The following DNAH3 variants were observed in gnomAD, a reference collection of about 807,000 sequenced individuals.
DNAH3 encodes axonemal beta dynein heavy chain 3.
DNAH3 carries 332 observed loss-of-function variants against 432.5 expected under a neutral mutation model. That is an observed-to-expected ratio of 0.77 (90% CI 0.70 to 0.84). The LOEUF (loss-of-function observed/expected upper bound fraction) is 0.84, where lower values mean the gene tolerates loss of function less well. DNAH3 is among the 40% of genes least tolerant of loss of function. The pLI is 0.00. For synonymous variants in DNAH3, 1,956 were observed against 1,900.2 expected (o/e 1.03, Z -0.76); for missense variants, 4,861 against 5,114.0 (o/e 0.95, Z 1.51).
chr16:21,067,201 C>G, intron 24 of DNAH3, 82 bp downstream of exon 24: 1 of 1,531,462 alleles, frequency 6.5e-7, no homozygotes, highest in Non-Finnish European at 9.0e-7. Context: ...TTGGTTGAAG[C>G]CAACTCTTGG....
chr16:20,945,600 A>C (rs1253853529), intron 57 of DNAH3, among the ~76,000 whole-genome samples: 3 of 151,580 alleles, frequency 2.0e-5, no homozygotes, highest in African/African-American at 4.9e-5. Flanking sequence ...AAGCAATTCT[A>C]CTGCCTCAGC....
At chr16:21,092,735 ATGAC>A (rs1477795853) in intron 18 of DNAH3, among the ~76,000 whole-genome samples, 1 of 150,596 alleles carries the variant, frequency 6.6e-6, no homozygotes, top group Non-Finnish European at 1.5e-5. Context: ...GATCTGATAA[ATGAC>A]TATTATCTAA....
At chr16:21,116,942 C>A (rs1424557011) in intron 12 of DNAH3, among the ~76,000 whole-genome samples, 1 of 152,176 alleles carries the variant, frequency 6.6e-6, no homozygotes, top group Admixed American at 6.5e-5. Flanking sequence ...TCTGGCTTCA[C>A]AACTATCAGA....
intron 18 of DNAH3, among the ~76,000 whole-genome samples, chr16:21,093,654 T>A (rs947146291): frequency 2.0e-5 from 3 of 152,046 alleles, no homozygotes; most frequent in African/African-American, 4.8e-5. Context: ...GTTAGAAGAA[T>A]CACACTATGT....
rs376376420 is a variant in DNAH3, at chr16:21,037,899, G to A, written c.4812C>T (p.Arg1604=). 406 of 1,614,156 alleles carry A rather than the reference G, an allele frequency of 2.5e-4. 7 individuals are homozygous for A. In the South Asian group the frequency reaches 3.9e-3, roughly 16 times the overall value. ...CGGCAGTAAGCACAGACTTGACAGC[G>A]CGCATACCGTAGTCATAGTGATGCT... The change falls in exon 34 of 62, where the codon CGC becomes CGT. Residue 1604 remains arginine, a synonymous_variant. Coordinates refer to ENST00000261383, the Ensembl canonical transcript of DNAH3.
intron 34 of DNAH3, 98 bp from the exon 35 acceptor site, chr16:21,036,946 T>C (rs549911067): frequency 3.0e-6 from 3 of 988,880 alleles, no homozygotes; most frequent in African/African-American, 3.3e-5. Flanking sequence ...ACAGAGATCT[T>C]TGAAAAATTC....
chr16:21,120,704 A>T lies in DNAH3; in HGVS notation c.1699+36T>A, dbSNP rs183226404. ...CTGGTACAAACCATGTCTTCTTGGC[A>T]TTGTAATTCATCAAATGTAGTACCG... On this transcript the variant is annotated intron_variant, in intron 11 of 61. Coordinates refer to ENST00000261383, the Ensembl canonical transcript of DNAH3. 1.3e-4 allele frequency: 194 copies of T among 1,470,998 alleles called. No individual in the cohort carries two copies. The African/African-American group carries it at 2.4e-3, about 18-fold the overall frequency. The allele number at this position is 1,470,998 out of a possible 1,614,324, so 91.1% of individuals were successfully genotyped here.
rs370699327 is a variant in DNAH3 at position 20,964,385 on chromosome 16, C to A, written c.9499G>T (p.Asp3167Tyr). The A allele has an allele frequency of 3.5e-5, 57 of 1,614,130 alleles. No individual in the cohort carries two copies. The highest frequency in any genetic ancestry group is 1.7e-4 in the Middle Eastern group (1 of 6,060). ...CGGGTTGTGATGTATAACTTAAAAT[C>A]CCTGGAATATTCAATGATGTTTTCA... is the stretch of plus-strand genomic sequence containing the variant. Residue 3167 changes from aspartate (D) to tyrosine (Y), a missense_variant, in exon 53 of 62, where the codon GAT becomes TAT. Transcript: ENST00000261383.
chr16:21,068,375 C>T (rs536918982), intron 23 of DNAH3, among the ~76,000 whole-genome samples: 2 of 150,902 alleles, frequency 1.3e-5, no homozygotes, highest in East Asian at 1.9e-4. Context: ...AGTGCAGTGG[C>T]GCAATCTGGG....
exon 2 of DNAH3, chr16:21,145,989 A>T: frequency 6.2e-7 from 1 of 1,607,774 alleles, no homozygotes; most frequent in Non-Finnish European, 8.5e-7. Context: ...CATACCTGAT[A>T]GAGTCCAGAC....
chr16:20,970,210 G>A (rs762313287), intron 51 of DNAH3, among the ~76,000 whole-genome samples: 11 of 152,138 alleles, frequency 7.2e-5, no homozygotes, highest in African/African-American at 1.4e-4. Context: ...TGGATGTCCC[G>A]AACATCTGAG....
At position 21,097,372 on chromosome 16, in the gene DNAH3, G is replaced by C; in HGVS notation, c.2648C>G (p.Ser883Ter). Residue 883 changes from serine (S) to a stop codon, truncating the protein, a stop_gained, in exon 18 of 62, where the codon TCA (serine) becomes TGA (stop). Transcript: ENST00000261383. LOFTEE classifies it high-confidence loss of function. ...CCACATACCATTCATCCATTCCTCTGACTTGATGCTGAACTCATAGGCTGT... is the reference window on the plus strand; with the variant it reads ...CCACATACCATTCATCCATTCCTCTCACTTGATGCTGAACTCATAGGCTGT... 4.3e-6 allele frequency: 7 copies of C among 1,613,818 alleles called. No homozygotes were observed. The highest frequency in any genetic ancestry group is 1.7e-4 in the Middle Eastern group (1 of 5,932).
exon 39 of DNAH3, chr16:21,024,678 G>T: frequency 6.2e-7 from 1 of 1,613,776 alleles, no homozygotes; most frequent in Non-Finnish European, 8.5e-7. Context: ...TAGTTGATGG[G>T]GCTCCATGTA....
At chr16:21,087,109 T>A (rs1436052406) in intron 18 of DNAH3, 49 bp from the exon 19 acceptor site, 1 of 1,458,632 alleles carries the variant, frequency 6.9e-7, no homozygotes, top group South Asian at 1.1e-5. Context: ...TGGATGTTAG[T>A]CATGCGTACC....
At position 21,131,504 on chromosome 16, in the gene DNAH3, A is replaced by AGAGAAGGAAGGAAGGAAG. The variant is rs1567846329; in HGVS notation, c.1082+2754_1082+2755insCTTCCTTCCTTCCTTCTC. On this transcript the variant is annotated intron_variant, in intron 7 of 61. Coordinates refer to ENST00000261383, the Ensembl canonical transcript of DNAH3. Reference sequence around the variant, plus strand: ...GAAAGAAAAGAAAGAGAGATGAGAGAGAAGGAAGGAAGGAAGGAAGGAAGG... The same window carrying AGAGAAGGAAGGAAGGAAG: ...GAAAGAAAAGAAAGAGAGATGAGAGAGAGAAGGAAGGAAGGAAGGAAGGAAGGAAGGAAGGAAGGAAGG... Among the ~76,000 whole-genome samples, 18 of 139,270 alleles carry AGAGAAGGAAGGAAGGAAG rather than the reference A, an allele frequency of 1.3e-4. No individual in the cohort carries two copies. In the East Asian group the frequency reaches 2.3e-3, roughly 18 times the overall value. The allele number at this position is 139,270 out of a possible 152,430, so 91.4% of individuals were successfully genotyped here. A position where few individuals can be genotyped will look rare whatever the true frequency, so the allele number is the denominator to read the frequency against.
intron 2 of DNAH3, 46 bp from the exon 4 acceptor site, chr16:21,145,452 T>G: frequency 3.9e-6 from 6 of 1,520,520 alleles, no homozygotes; most frequent in African/African-American, 1.4e-5. Flanking sequence ...GGAACATCTC[T>G]CGATGAGCCT....
rs763642717 is a variant in DNAH3 at position 20,969,999 on chromosome 16, G to A, written c.8260-9C>T. On this transcript the variant is annotated splice_polypyrimidine_tract_variant and intron_variant, in intron 51 of 61. Coordinates refer to ENST00000261383, the Ensembl canonical transcript of DNAH3. ...TCCCCCTCACATTCGTTCTGTGGGC[G>A]GCATGAGGACAAAGGAGATGAGTGC... is the stretch of plus-strand genomic sequence containing the variant. 11 of 1,613,318 alleles carry A rather than the reference G, an allele frequency of 6.8e-6. No homozygotes were observed. The highest frequency in any genetic ancestry group is 2.2e-5 in the East Asian group (1 of 44,890).
At chr16:21,067,784 A>AGAGAGAGAGAGAGAGAGAGAGG (rs2090620349) in intron 23 of DNAH3, among the ~76,000 whole-genome samples, 1 of 105,998 alleles carries the variant, frequency 9.4e-6, no homozygotes, top group African/African-American at 4.1e-5. Flanking sequence ...AGGGAGAGAG[A>AGAGAGAGAGAGAGAGAGAGAGG]GAGAGAGAGA....
intron 23 of DNAH3, among the ~76,000 whole-genome samples, chr16:21,068,936 T>A (rs2090674712): frequency 1.3e-5 from 2 of 151,354 alleles, no homozygotes; most frequent in African/African-American, 2.5e-5. Flanking sequence ...TTTTTTTAAT[T>A]TTTTTTGAGA....
Sources: allele counts gnomAD v4.1 joint callset (sites outside exome capture counted in the v4.1 genomes callset), GRCh38; gene constraint gnomAD v4.1.1; transcripts MANE v1.5; gene names NCBI Gene and HGNC (gene_info 2026-07-23, HGNC 2026-07-21).